STXBP6: variants seen among roughly 807,000 people sequenced by gnomAD.
STXBP6 encodes the protein syntaxin-binding protein 6.
A neutral mutation model predicts 26.9 loss-of-function variants in STXBP6; 21 were observed. That is an observed-to-expected ratio of 0.78 (90% confidence interval 0.55 to 1.12). The LOEUF is 1.12. Ranked by LOEUF, STXBP6 falls within the 50% of genes most tolerant of loss-of-function variation. The probability of loss-of-function intolerance (pLI) is 0.00; values close to 1 mark genes in which losing one functional copy is unlikely to be tolerated. For synonymous variants in STXBP6, 97 were observed against 92.6 expected (o/e 1.05, Z -0.27); for missense variants, 232 against 257.9 (o/e 0.90, Z 0.69).
intron 4 of STXBP6, among the ~76,000 whole-genome samples, 183 bp downstream of exon 4, chr14:24,855,753 T>C (rs193136503): frequency 4.6e-5 from 7 of 152,218 alleles, no homozygotes; most frequent in African/African-American, 1.7e-4. Context: ...AGTGAAAACA[T>C]ACCTTTGTGT....
chr14:24,895,472 C>A (rs1455973258), intron 2 of STXBP6, among the ~76,000 whole-genome samples: 1 of 152,172 alleles, frequency 6.6e-6, no homozygotes. Flanking sequence ...GTCGCAATAA[C>A]TTTCTCTTCT....
intron 1 of STXBP6, among the ~76,000 whole-genome samples, chr14:25,047,469 C>T (rs980311867): frequency 2.3e-4 from 35 of 152,338 alleles, no homozygotes; most frequent in African/African-American, 7.7e-4. Flanking sequence ...TCACAACAAA[C>T]GTCATCTCTC....
At chr14:24,942,622 G>A (rs560544290) in intron 2 of STXBP6, among the ~76,000 whole-genome samples, 1 of 152,172 alleles carries the variant, frequency 6.6e-6, no homozygotes, top group African/African-American at 2.4e-5. Context: ...GCCCACTGAC[G>A]GTCTGATCTT....
chr14:24,810,042 A>T lies in STXBP6; in HGVS notation c.*2667T>A, dbSNP rs557154484. 23 of 152,222 alleles carry T rather than the reference A, an allele frequency of 1.5e-4. No individual in the cohort carries two copies. The highest frequency in any genetic ancestry group is 2.8e-4 in the Non-Finnish European group (19 of 68,036). The allele number at this position is 152,222 out of a possible 1,614,324, so 9.4% of individuals were successfully genotyped here. On this transcript the variant is annotated 3_prime_UTR_variant, in exon 6 of 6. Transcript: ENST00000323944. Reference sequence around the variant, plus strand: ...ATACATTCTTTAATATGAAACATTAACCTGAATAACTGCATACTTTCTGTA... The same window carrying T: ...ATACATTCTTTAATATGAAACATTATCCTGAATAACTGCATACTTTCTGTA...
intron 2 of STXBP6, among the ~76,000 whole-genome samples, chr14:24,867,285 T>C (rs2069757406): frequency 6.6e-6 from 1 of 152,186 alleles, no homozygotes; most frequent in South Asian, 2.1e-4. Context: ...TCTGAGCAGA[T>C]ACTGAAACTG....
chr14:24,976,590 G>T (rs74808943), intron 1 of STXBP6, among the ~76,000 whole-genome samples: 6,391 of 152,160 alleles, frequency 0.042, 154 homozygotes, highest in Middle Eastern at 0.085. Context: ...TAACTGATAC[G>T]GTATGATTTC....
intron 2 of STXBP6, among the ~76,000 whole-genome samples, chr14:24,937,879 T>G (rs1489447525): frequency 1.3e-5 from 2 of 152,242 alleles, no homozygotes; most frequent in African/African-American, 4.8e-5. Context: ...GATATTTTGT[T>G]AATTATTTTG....
intron 1 of STXBP6, among the ~76,000 whole-genome samples, chr14:24,983,853 T>A (rs541705221): frequency 1.3e-5 from 2 of 152,360 alleles, no homozygotes; most frequent in South Asian, 4.1e-4. Context: ...CTCCATTTTT[T>A]AAGAGTTTGA....
chr14:24,960,939 T>C (rs952583416), intron 2 of STXBP6, among the ~76,000 whole-genome samples: 3 of 152,230 alleles, frequency 2.0e-5, no homozygotes, highest in Non-Finnish European at 4.4e-5. Flanking sequence ...TCTGAACATG[T>C]TCTTTTTTCT....
rs138575111 is a variant in STXBP6, at chr14:25,020,464, T to G, written c.-33+29414A>C. On this transcript the variant is annotated intron_variant, in intron 1 of 5. Transcript: ENST00000323944. ...TTAACAAATAACCAATCCAATTAAA[T>G]CATTCGAACCCTGACCAAATTCTGC... Among the ~76,000 whole-genome samples, 7 of 152,268 alleles carry G rather than the reference T, an allele frequency of 4.6e-5. No homozygotes were observed. The East Asian group carries it at 1.4e-3, about 29-fold the overall frequency.
chr14:24,950,661 C>T (rs1341057928), intron 2 of STXBP6, among the ~76,000 whole-genome samples: 4 of 152,144 alleles, frequency 2.6e-5, no homozygotes, highest in African/African-American at 9.7e-5. Flanking sequence ...ATCAAGATAA[C>T]GGTTATCCTC....
intron 2 of STXBP6, among the ~76,000 whole-genome samples, chr14:24,882,203 C>T (rs2070384658): frequency 1.3e-5 from 2 of 150,464 alleles, no homozygotes; most frequent in African/African-American, 2.4e-5. Flanking sequence ...AACGGTGAAA[C>T]CCCGTCTCTA....
chr14:24,900,004 A>G (rs552388425), intron 2 of STXBP6, among the ~76,000 whole-genome samples: 1 of 152,310 alleles, frequency 6.6e-6, no homozygotes, highest in East Asian at 1.9e-4. Flanking sequence ...CTTGCTAAAC[A>G]CCACACAGCA....
At chr14:24,858,581 G>A (rs556361960) in intron 2 of STXBP6, among the ~76,000 whole-genome samples, 2 of 152,222 alleles carry the variant, frequency 1.3e-5, no homozygotes, top group East Asian at 3.9e-4. Flanking sequence ...CCCACAATCA[G>A]ATGAAATTTT....
chr14:25,017,837 T>C (rs1285721208), intron 1 of STXBP6, among the ~76,000 whole-genome samples: 1 of 151,676 alleles, frequency 6.6e-6, no homozygotes, highest in Non-Finnish European at 1.5e-5. Context: ...AGCACAGTGG[T>C]TGCGAGCTCC....
At position 25,035,551 on chromosome 14, in the gene STXBP6, C is replaced by G. The variant is rs77326894; in HGVS notation, c.-33+14327G>C. ...ATCTGATAAGAAAATGAGTTTAGAT[C>G]GCCAGATATTCACAGCCACTGGGTT... On this transcript the variant is annotated intron_variant, in intron 1 of 5. Coordinates refer to ENST00000323944, the MANE Select transcript of STXBP6 (RefSeq NM_001394410.1). 8.8e-3 allele frequency among the ~76,000 whole-genome samples: 1,345 copies of G among 152,274 alleles called. 26 individuals carry two copies. Among genetic ancestry groups the G allele is most frequent in the African/African-American group, 0.031 (1,268 of 41,542 alleles).
chr14:24,977,587 A>G (rs776095222), intron 1 of STXBP6, among the ~76,000 whole-genome samples: 8 of 152,232 alleles, frequency 5.3e-5, no homozygotes, highest in Non-Finnish European at 8.8e-5. Flanking sequence ...ACTACAACAT[A>G]GAGATGTCTT....
intron 2 of STXBP6, among the ~76,000 whole-genome samples, chr14:24,973,709 A>T (rs7161233): frequency 6.6e-6 from 1 of 151,958 alleles, no homozygotes; most frequent in African/African-American, 2.4e-5. Context: ...ATTCTTACCA[A>T]AGTGCTATGT....
chr14:25,031,797 G>A (rs898182292), intron 1 of STXBP6, among the ~76,000 whole-genome samples: 11 of 142,936 alleles, frequency 7.7e-5, no homozygotes, highest in Non-Finnish European at 4.5e-5. Flanking sequence ...TGCTATTATT[G>A]CCCACCATCT....
Sources: gnomAD v4.1 joint callset for allele counts (sites outside exome capture counted in the v4.1 genomes callset) on GRCh38, gnomAD v4.1.1 for gene constraint, MANE v1.5 for transcripts, NCBI Gene and HGNC (gene_info 2026-07-23, HGNC 2026-07-21) for gene names.